Variants in MMP24 observed in about 807,000 individuals in gnomAD.
MMP24 encodes the protein matrix metallopeptidase 24.
MMP24 carries 25 observed loss-of-function variants against 62.8 expected under a neutral mutation model. The ratio of observed to expected loss-of-function variants is 0.40; its 90% CI spans 0.29 to 0.56. The LOEUF (loss-of-function observed/expected upper bound fraction) is 0.56. Among genes scored for constraint, MMP24 ranks in the 20% least tolerant of loss-of-function variants. The probability of loss-of-function intolerance (pLI) is 0.50; values close to 1 mark genes in which losing one functional copy is unlikely to be tolerated. For synonymous variants in MMP24, 319 were observed against 350.5 expected (o/e 0.91, Z 1.00); for missense variants, 634 against 853.6 (o/e 0.74, Z 3.21).
chr20:35,252,661 A>C (rs1367355336), intron 3 of MMP24, among the ~76,000 whole-genome samples: 3 of 152,260 alleles, frequency 2.0e-5, no homozygotes, highest in Non-Finnish European at 4.4e-5. Flanking sequence ...GGAGGAACCA[A>C]GGGCAGAGCA....
At chr20:35,228,717 T>G (rs2060425656) in intron 1 of MMP24, among the ~76,000 whole-genome samples, 1 of 152,244 alleles carries the variant, frequency 6.6e-6, no homozygotes, top group South Asian at 2.1e-4. Flanking sequence ...TGTATCAGTT[T>G]TATAGGCTTT....
chr20:35,256,800 G>A (rs1178097192), intron 4 of MMP24, among the ~76,000 whole-genome samples: 1 of 151,760 alleles, frequency 6.6e-6, no homozygotes, highest in East Asian at 1.9e-4. Flanking sequence ...CCGGGGTAGG[G>A]CCTGGGAATC....
intron 3 of MMP24, among the ~76,000 whole-genome samples, chr20:35,252,283 GC>G (rs1460384193): frequency 6.6e-6 from 1 of 152,148 alleles, no homozygotes; most frequent in African/African-American, 2.4e-5. Flanking sequence ...CTGTTTAGAT[GC>G]CTATAGTTTT....
chr20:35,259,111 G>A (rs1218473775), intron 4 of MMP24, among the ~76,000 whole-genome samples: 3 of 152,180 alleles, frequency 2.0e-5, no homozygotes, highest in Admixed American at 6.5e-5. Flanking sequence ...AACCCGGGAG[G>A]CGGAGGTTCA....
intron 1 of MMP24, among the ~76,000 whole-genome samples, chr20:35,231,343 C>T (rs2060436434): frequency 6.6e-6 from 1 of 152,078 alleles, no homozygotes; most frequent in African/African-American, 2.4e-5. Flanking sequence ...AGATTGACCC[C>T]GAATGATTGG....
chr20:35,254,859 C>T (rs972062415), intron 4 of MMP24, 105 bp downstream of exon 4: 1 of 1,294,248 alleles, frequency 7.7e-7, no homozygotes, highest in Non-Finnish European at 1.1e-6. Flanking sequence ...GCCTCTTGTC[C>T]AAGAACTAAG....
At chr20:35,249,180 C>T (rs959023168) in intron 2 of MMP24, among the ~76,000 whole-genome samples, 49 of 152,278 alleles carry the variant, frequency 3.2e-4, no homozygotes, top group African/African-American at 1.2e-3. Flanking sequence ...GCAGCTCCAG[C>T]TCTGTGACCT....
intron 4 of MMP24, among the ~76,000 whole-genome samples, chr20:35,258,827 ACGTC>A (rs1221851725): frequency 1.3e-5 from 2 of 151,858 alleles, no homozygotes; most frequent in African/African-American, 4.8e-5. Context: ...AAGATTGCCT[ACGTC>A]CCAAACCAAA....
intron 1 of MMP24, among the ~76,000 whole-genome samples, chr20:35,227,544 A>T (rs1182739565): frequency 6.6e-6 from 1 of 151,872 alleles, no homozygotes; most frequent in Admixed American, 6.6e-5. Flanking sequence ...TCGATATAGG[A>T]AGAAGTTTGT....
Position 35,254,504 on chromosome 20 carries a change from C to T in MMP24, c.567C>T (p.Arg189=). The T allele has an allele frequency of 6.2e-7, 1 of 1,614,016 alleles. No individual in the cohort carries two copies. The highest frequency in any genetic ancestry group is 8.5e-7 in the Non-Finnish European group (1 of 1,179,884). Residue 189 remains arginine, a synonymous_variant, in exon 4 of 9, where the codon CGC becomes CGT. Transcript: ENST00000246186. ...AGCTAGACACGCGGAAAGCTATTCG[C>T]CAGGCTTTCGATGTGTGGCAGAAGG... ...VGELDTRKAI[R]QAFDVWQKVT... is the part of the protein sequence containing the mutation.
chr20:35,255,924 A>T (rs547869929), intron 4 of MMP24: 4 of 152,322 alleles, frequency 2.6e-5, no homozygotes, highest in African/African-American at 9.6e-5. Context: ...GAGTCAGTCT[A>T]GCAGGGGAGT....
chr20:35,230,290 C>T (rs955672402), intron 1 of MMP24, among the ~76,000 whole-genome samples: 1 of 152,236 alleles, frequency 6.6e-6, no homozygotes, highest in Non-Finnish European at 1.5e-5. Flanking sequence ...GTGCCCAGCC[C>T]TATTTATTTT....
At chr20:35,245,183 T>A (rs1251823125) in intron 1 of MMP24, among the ~76,000 whole-genome samples, 1 of 152,110 alleles carries the variant, frequency 6.6e-6, no homozygotes, top group Non-Finnish European at 1.5e-5. Flanking sequence ...CACACCAGCA[T>A]GCACAGCTAA....
chr20:35,265,721 C>G (rs975183059), intron 5 of MMP24, among the ~76,000 whole-genome samples: 43 of 151,012 alleles, frequency 2.8e-4, no homozygotes, highest in African/African-American at 8.0e-4. Context: ...CTCTACCCCC[C>G]CAAAAATATA....
intron 1 of MMP24, among the ~76,000 whole-genome samples, chr20:35,228,496 G>A (rs2060424762): frequency 6.6e-6 from 1 of 152,152 alleles, no homozygotes; most frequent in Admixed American, 6.5e-5. Flanking sequence ...ACAGGATGAG[G>A]TGGAAAGACC....
Position 35,274,377 on chromosome 20 carries a change from G to A in MMP24, c.1706G>A (p.Cys569Tyr). The A allele has an allele frequency of 6.2e-7, 1 of 1,614,006 alleles. No homozygotes were observed. Among genetic ancestry groups the A allele is most frequent in the Non-Finnish European group, 8.5e-7 (1 of 1,179,896 alleles). ...PRNILRDWMG[C>Y]NQKEVERRKE... is the part of the protein sequence containing the mutation. Reference sequence around the variant, plus strand: ...AACATCCTGCGTGACTGGATGGGCTGCAACCAGAAGGAGGTGGAGCGGCGG... The same window carrying A: ...AACATCCTGCGTGACTGGATGGGCTACAACCAGAAGGAGGTGGAGCGGCGG... Residue 569 changes from cysteine (C) to tyrosine (Y), a missense_variant, in exon 9 of 9, where the codon TGC becomes TAC. This residue lies in a region of MMP24 where 399 missense variants were observed against 530.8 expected (regional missense o/e 0.75). Transcript: ENST00000246186. This position sits in a 1 kb window ranked among gnomAD's most constrained non-coding sequence, Gnocchi z 5.1.
At chr20:35,234,295 C>T (rs2060451714) in intron 1 of MMP24, among the ~76,000 whole-genome samples, 1 of 152,188 alleles carries the variant, frequency 6.6e-6, no homozygotes, top group Admixed American at 6.5e-5. Context: ...CTGCCACACA[C>T]TTTTGTAGCT....
chr20:35,236,442 G>T (rs1179756893), intron 1 of MMP24, among the ~76,000 whole-genome samples: 1 of 152,194 alleles, frequency 6.6e-6, no homozygotes, highest in Non-Finnish European at 1.5e-5. Flanking sequence ...ATACCTGAAT[G>T]ATTATGCCTT....
intron 4 of MMP24, among the ~76,000 whole-genome samples, chr20:35,261,367 G>A (rs527668377): frequency 2.0e-5 from 3 of 152,294 alleles, no homozygotes; most frequent in Non-Finnish European, 4.4e-5. Flanking sequence ...GTCATACCAC[G>A]CACTTCACGT....
Sources: allele counts gnomAD v4.1 joint callset (sites outside exome capture counted in the v4.1 genomes callset), GRCh38; gene constraint gnomAD v4.1.1; regional missense constraint gnomAD v4.1.1; non-coding constraint Gnocchi (gnomAD v3.1); transcripts MANE v1.5; gene names NCBI Gene and HGNC (gene_info 2026-07-23, HGNC 2026-07-21).